Variants in DCC observed in about 807,000 individuals in gnomAD.
DCC encodes DCC netrin 1 receptor, also known as netrin receptor DCC.
DCC carries 58 observed loss-of-function variants against 172.5 expected under a neutral mutation model. The observed-to-expected ratio is 0.34, with a 90% CI of 0.27 to 0.42. The LOEUF (loss-of-function observed/expected upper bound fraction) is 0.42. Among genes scored for constraint, DCC ranks in the 10% least tolerant of loss-of-function variants. The pLI, the probability that DCC is intolerant of heterozygous loss-of-function variation, is 1.00. For missense variants in DCC, 1,740 were observed against 1,791.0 expected (o/e 0.97, Z 0.51); for synonymous variants, 709 against 644.5 (o/e 1.10, Z -1.52).
At position 52,448,100 on chromosome 18, in the gene DCC, G is replaced by C. The variant is rs1030650292; in HGVS notation, c.91+107222G>C. Among the ~76,000 whole-genome samples the C allele has an allele frequency of 4.7e-4, 72 of 152,212 alleles. 1 individual carries two copies. The highest frequency in any genetic ancestry group is 1.2e-4 in the Non-Finnish European group (8 of 68,050). On this transcript the variant is annotated intron_variant, in intron 1 of 28. Coordinates refer to ENST00000442544, the MANE Select transcript of DCC (RefSeq NM_005215.4). ...GGAACCGGGCCGCACAGCAGGAGGG[G>C]AGTGGTAGGTGAGCATTTCTGCTTG...
At position 52,856,325 on chromosome 18, in the gene DCC, T is replaced by C. The variant is rs768076643; in HGVS notation, c.413-49719T>C. On this transcript the variant is annotated intron_variant, in intron 2 of 28. Coordinates refer to ENST00000442544, the MANE Select transcript of DCC (RefSeq NM_005215.4). ...CTTAAGATGATAGAATTACTCTTCATAGCTAATTAAGAGAGCAAGGCCGGG... is the reference window on the plus strand; with the variant it reads ...CTTAAGATGATAGAATTACTCTTCACAGCTAATTAAGAGAGCAAGGCCGGG... 6.6e-5 allele frequency among the ~76,000 whole-genome samples: 10 copies of C among 152,132 alleles called. No homozygotes were observed. The East Asian group carries it at 1.6e-3, about 24-fold the overall frequency.
chr18:52,896,503 C>T (rs1038467875), intron 2 of DCC, among the ~76,000 whole-genome samples: 2 of 152,280 alleles, frequency 1.3e-5, no homozygotes, highest in East Asian at 3.9e-4. Context: ...CTAACTTTCA[C>T]ATACATAAAT....
At chr18:52,395,094 A>G (rs1986171587) in intron 1 of DCC, among the ~76,000 whole-genome samples, 1 of 152,102 alleles carries the variant, frequency 6.6e-6, no homozygotes, top group African/African-American at 2.4e-5. Context: ...GAAGTTAAAT[A>G]GACAACAATC....
At chr18:53,068,771 C>CTGTGTGTGTGTGTGTGTG (rs74683814) in intron 7 of DCC, among the ~76,000 whole-genome samples, 162 of 143,722 alleles carry the variant, frequency 1.1e-3, no homozygotes, top group East Asian at 8.6e-3. Flanking sequence ...ACCTTTTAGA[C>CTGTGTGTGTGTGTGTGTG]TGTGTGTGTG....
intron 2 of DCC, among the ~76,000 whole-genome samples, chr18:52,798,884 T>C (rs2057740903): frequency 6.6e-6 from 1 of 151,940 alleles, no homozygotes; most frequent in South Asian, 2.1e-4. Context: ...TCCCGAGTAG[T>C]TGGGAGGTGC....
At chr18:52,628,626 C>T (rs1314236505) in intron 1 of DCC, among the ~76,000 whole-genome samples, 1 of 152,166 alleles carries the variant, frequency 6.6e-6, no homozygotes, top group Non-Finnish European at 1.5e-5. Flanking sequence ...CTACCCACAC[C>T]CCTACCTCCA....
At chr18:53,331,634 TC>T (rs1366819780) in intron 14 of DCC, among the ~76,000 whole-genome samples, 1 of 152,198 alleles carries the variant, frequency 6.6e-6, no homozygotes, top group African/African-American at 2.4e-5. Flanking sequence ...AAACCAAACT[TC>T]ATTGTATTTT....
At chr18:53,078,091 A>G (rs185288948) in intron 7 of DCC, among the ~76,000 whole-genome samples, 2 of 152,298 alleles carry the variant, frequency 1.3e-5, no homozygotes, top group African/African-American at 4.8e-5. Context: ...TTGCAATGCT[A>G]TATTCATTAT....
chr18:53,446,277 C>A (rs1912607058), intron 22 of DCC, among the ~76,000 whole-genome samples: 1 of 151,934 alleles, frequency 6.6e-6, no homozygotes, highest in Admixed American at 6.6e-5. Context: ...CAGAGTGAGA[C>A]CCTGTTTCTA....
intron 1 of DCC, among the ~76,000 whole-genome samples, chr18:52,506,850 A>G (rs1412187753): frequency 6.6e-6 from 1 of 152,104 alleles, no homozygotes; most frequent in Admixed American, 6.6e-5. Flanking sequence ...TTAGCAATGT[A>G]GTATATGGGG....
intron 1 of DCC, among the ~76,000 whole-genome samples, chr18:52,678,483 G>T (rs1013340248): frequency 1.3e-4 from 20 of 152,186 alleles, no homozygotes; most frequent in African/African-American, 4.1e-4. Context: ...AGAAAATAAA[G>T]CAGAACAATG....
intron 2 of DCC, among the ~76,000 whole-genome samples, chr18:52,856,401 G>A (rs2039053195): frequency 2.0e-5 from 3 of 151,704 alleles, no homozygotes; most frequent in Admixed American, 6.6e-5. Flanking sequence ...CGAGGCGGGC[G>A]TTTCACGAGG....
intron 22 of DCC, among the ~76,000 whole-genome samples, chr18:53,445,797 G>T (rs531402964): frequency 2.0e-4 from 31 of 151,914 alleles, no homozygotes; most frequent in African/African-American, 7.5e-4. Flanking sequence ...AAAATAAATG[G>T]AATGCCCATG....
chr18:53,378,212 C>T (rs926313448), intron 15 of DCC, among the ~76,000 whole-genome samples: 10 of 152,168 alleles, frequency 6.6e-5, no homozygotes, highest in African/African-American at 2.2e-4. Context: ...CCACCTGCCT[C>T]AGCCTCCCAA....
chr18:53,405,542 G>T (rs1261212279), intron 19 of DCC, among the ~76,000 whole-genome samples: 1 of 152,096 alleles, frequency 6.6e-6, no homozygotes, highest in African/African-American at 2.4e-5. Context: ...TCCATTCTAG[G>T]GTGAGGCTTT....
chr18:53,025,781 G>A (rs985996964), intron 5 of DCC, among the ~76,000 whole-genome samples: 1 of 132,292 alleles, frequency 7.6e-6, no homozygotes, highest in African/African-American at 2.9e-5. Context: ...AGATTTAATG[G>A]GCAAAAACTA....
chr18:53,232,946 TCC>T lies in DCC; in HGVS notation c.1911+17352_1911+17353del, dbSNP rs34136774. 6.5e-3 allele frequency among the ~76,000 whole-genome samples: 923 copies of T among 141,816 alleles called. 3 individuals carry two copies. The highest frequency in any genetic ancestry group is 0.012 in the African/African-American group (468 of 38,934). 93.0% of individuals were successfully genotyped at this position (141,816 alleles called of 152,430 possible). A position where few individuals can be genotyped will look rare whatever the true frequency, so the allele number is the denominator to read the frequency against. ...AACTTGCTCCTTTCTTTTTTTTTTTTCCCCAGGTATTATTATTCTTATTTTCT... is the reference window on the plus strand; with the variant it reads ...AACTTGCTCCTTTCTTTTTTTTTTTTCCAGGTATTATTATTCTTATTTTCT... On this transcript the variant is annotated intron_variant, in intron 12 of 28. Coordinates refer to ENST00000442544, the MANE Select transcript of DCC (RefSeq NM_005215.4).
At chr18:52,977,019 T>C (rs888495587) in intron 5 of DCC, among the ~76,000 whole-genome samples, 4 of 152,238 alleles carry the variant, frequency 2.6e-5, no homozygotes, top group Admixed American at 2.0e-4. Flanking sequence ...TAGGCATTGG[T>C]GTGACAATGG....
At chr18:52,633,123 T>TCCTG (rs1555706584) in intron 1 of DCC, among the ~76,000 whole-genome samples, 4 of 128,798 alleles carry the variant, frequency 3.1e-5, no homozygotes, top group East Asian at 7.0e-4. Context: ...TTCCTTTCCT[T>TCCTG]TCCTGTCCTG....
Sources: gnomAD v4.1 joint callset for allele counts (sites outside exome capture counted in the v4.1 genomes callset) on GRCh38, gnomAD v4.1.1 for gene constraint, MANE v1.5 for transcripts, NCBI Gene and HGNC (gene_info 2026-07-23, HGNC 2026-07-21) for gene names.